RAPGEF4: variants seen among roughly 807,000 people sequenced by gnomAD.
RAPGEF4 encodes the protein Rap guanine nucleotide exchange factor 4.
A neutral mutation model predicts 147.9 loss-of-function variants in RAPGEF4; 66 were observed. The observed-to-expected ratio is 0.45, with a 90% CI of 0.37 to 0.55. The LOEUF (loss-of-function observed/expected upper bound fraction) is 0.55. RAPGEF4 is among the 20% of genes least tolerant of loss of function. RAPGEF4 has a pLI of 0.00. For missense variants in RAPGEF4, 1,071 were observed against 1,257.3 expected, an observed-to-expected ratio of 0.85 and a Z score of 2.24; for synonymous variants, 419 against 442.7, an observed-to-expected ratio of 0.95 and a Z score of 0.67.
rs537831552 is a variant in RAPGEF4, at chr2:173,023,813, G to A, written c.2254-2759G>A. Reference sequence around the variant, plus strand: ...AGGTGTACTGGGTATCTCCAATCCTGAGGAGAGAGCAAACAGCAGGAATAA... The same window carrying A: ...AGGTGTACTGGGTATCTCCAATCCTAAGGAGAGAGCAAACAGCAGGAATAA... On this transcript the variant is annotated intron_variant, in intron 23 of 30. Transcript: ENST00000397081. Among the ~76,000 whole-genome samples, 4 of 152,320 alleles carry A rather than the reference G, an allele frequency of 2.6e-5. No individual in the cohort carries two copies. In the South Asian group the frequency reaches 8.3e-4, roughly 32 times the overall value.
chr2:172,840,377 G>C (rs1354001930), intron 4 of RAPGEF4, among the ~76,000 whole-genome samples: 1 of 152,216 alleles, frequency 6.6e-6, no homozygotes, highest in African/African-American at 2.4e-5. Flanking sequence ...AGATTAGCCA[G>C]ATCAACCTGG....
chr2:172,928,648 C>G (rs2150079371), intron 6 of RAPGEF4, among the ~76,000 whole-genome samples: 1 of 152,262 alleles, frequency 6.6e-6, no homozygotes, highest in South Asian at 2.1e-4. Context: ...TTTTTAAAAT[C>G]TCTCTTATGA....
At chr2:172,870,351 G>A (rs1030451356) in intron 4 of RAPGEF4, among the ~76,000 whole-genome samples, 4 of 152,124 alleles carry the variant, frequency 2.6e-5, no homozygotes, top group Non-Finnish European at 5.9e-5. Context: ...TGGTAGGCCA[G>A]TTGCCAGTTC....
At chr2:172,736,963 T>G (rs1374051088) in intron 1 of RAPGEF4, among the ~76,000 whole-genome samples, 2 of 152,252 alleles carry the variant, frequency 1.3e-5, no homozygotes, top group African/African-American at 4.8e-5. Context: ...CATCTCTATT[T>G]GCATTTGTGT....
At chr2:172,834,674 T>C (rs2149682440) in intron 4 of RAPGEF4, among the ~76,000 whole-genome samples, 1 of 152,292 alleles carries the variant, frequency 6.6e-6, no homozygotes, top group Middle Eastern at 3.4e-3. Flanking sequence ...GGGTAAACAT[T>C]CTGCAAATAT....
intron 3 of RAPGEF4, among the ~76,000 whole-genome samples, chr2:172,811,532 G>C (rs1042196664): frequency 1.1e-4 from 16 of 152,190 alleles, no homozygotes; most frequent in Admixed American, 6.5e-4. Flanking sequence ...ATTAATAAAA[G>C]TGCTCTTTTG....
chr2:172,767,965 C>A (rs934830462), intron 1 of RAPGEF4, among the ~76,000 whole-genome samples: 2 of 152,096 alleles, frequency 1.3e-5, no homozygotes, highest in Non-Finnish European at 2.9e-5. Context: ...CGCCTGCCAC[C>A]GTGCCCAGCT....
At chr2:172,778,254 T>A (rs896825664) in intron 1 of RAPGEF4, among the ~76,000 whole-genome samples, 1 of 152,182 alleles carries the variant, frequency 6.6e-6, no homozygotes, top group African/African-American at 2.4e-5. Context: ...CTGTCTTGGG[T>A]TCTTTCCCGG....
rs757444377 is a variant in RAPGEF4, at chr2:172,983,562, A to T, written c.1071A>T (p.Leu357Phe). The change falls in exon 11 of 31, where the codon TTA (leucine) becomes TTT (phenylalanine). Residue 357 changes from leucine (L) to phenylalanine (F), a missense_variant. Leu to Phe is a conservative substitution (Grantham distance 22, BLOSUM62 0). Transcript: ENST00000397081. ...IYEELLHIKA[L>F]SHLSTTVKRE... ...AGGAGCTTCTTCATATTAAAGCCTT[A>T]TCCCATCTTTCTACCACAGTAAGTT... The T allele has an allele frequency of 4.3e-6, 7 of 1,613,282 alleles. No homozygotes were observed. The highest frequency in any genetic ancestry group is 5.9e-6 in the Non-Finnish European group (7 of 1,179,864).
chr2:172,804,815 G>A (rs1687322605), intron 3 of RAPGEF4, among the ~76,000 whole-genome samples: 1 of 152,190 alleles, frequency 6.6e-6, no homozygotes, highest in East Asian at 1.9e-4. Flanking sequence ...TTTCAGAGAA[G>A]TATTAACTAC....
At chr2:172,861,030 C>A (rs1347929162) in intron 4 of RAPGEF4, among the ~76,000 whole-genome samples, 3 of 152,052 alleles carry the variant, frequency 2.0e-5, no homozygotes, top group Admixed American at 6.5e-5. Flanking sequence ...TCTGATTTCA[C>A]AGTTTATTTT....
At chr2:172,988,911 C>T in intron 14 of RAPGEF4, 72 bp downstream of exon 14, 1 of 1,503,892 alleles carries the variant, frequency 6.6e-7, no homozygotes, top group Non-Finnish European at 9.1e-7. Context: ...AAGCTTTGAG[C>T]ATAGTCTTAA....
rs1434776773 is a variant in RAPGEF4 at position 172,981,980 on chromosome 2, T to G, written c.1005-1516T>G. Among the ~76,000 whole-genome samples, 3 of 152,330 alleles carry G rather than the reference T, an allele frequency of 2.0e-5. No homozygotes were observed. The East Asian group carries it at 5.8e-4, about 29-fold the overall frequency. On this transcript the variant is annotated intron_variant, in intron 10 of 30. Transcript: ENST00000397081. ...TATCACTTTGCTGGGTTTTTTTCAC[T>G]TACACAAATAAATATGTAGACACCT...
intron 1 of RAPGEF4, among the ~76,000 whole-genome samples, chr2:172,794,303 T>G (rs1446098390): frequency 7.2e-6 from 1 of 138,392 alleles, no homozygotes; most frequent in East Asian, 2.1e-4. Flanking sequence ...GCCAAGATCA[T>G]GCCATTGCAC....
intron 10 of RAPGEF4, among the ~76,000 whole-genome samples, chr2:172,982,741 T>A (rs529894685): frequency 6.6e-6 from 1 of 152,286 alleles, no homozygotes; most frequent in Admixed American, 6.5e-5. Context: ...ATATACTGAG[T>A]CCTTGAAGGC....
intron 1 of RAPGEF4, among the ~76,000 whole-genome samples, chr2:172,751,848 A>G (rs1295185159): frequency 6.6e-6 from 1 of 152,230 alleles, no homozygotes; most frequent in Non-Finnish European, 1.5e-5. Flanking sequence ...GAAAGTACCC[A>G]TAGACTACTA....
intron 16 of RAPGEF4, among the ~76,000 whole-genome samples, chr2:172,999,864 A>G (rs1369642669): frequency 1.3e-5 from 2 of 152,206 alleles, no homozygotes; most frequent in Non-Finnish European, 2.9e-5. Flanking sequence ...GCTACATGTG[A>G]GGAGAGAGCC....
chr2:172,940,920 C>G (rs988737773), intron 6 of RAPGEF4, among the ~76,000 whole-genome samples: 1 of 152,124 alleles, frequency 6.6e-6, no homozygotes, highest in Non-Finnish European at 1.5e-5. Context: ...GTAGTTGTCT[C>G]TATATATGCC....
rs749328932 is a variant in RAPGEF4, at chr2:173,026,688, C to A, written c.2370C>A (p.Cys790Ter). ...TTTATGATTGGGAACTCTTCAACTGCGTGCATGAGGTAAGATGCAGGATCA... is the reference window on the plus strand; with the variant it reads ...TTTATGATTGGGAACTCTTCAACTGAGTGCATGAGGTAAGATGCAGGATCA... ...MTIYDWELFN[C>*]VHELELIYHT... Residue 790 changes from cysteine to a stop codon, truncating the protein, a stop_gained, in exon 24 of 31, where the codon TGC becomes TGA. Coordinates refer to ENST00000397081, the MANE Select transcript of RAPGEF4 (RefSeq NM_007023.4). LOFTEE classifies it high-confidence loss of function. The A allele has an allele frequency of 2.5e-6, 4 of 1,613,612 alleles. No homozygotes were observed. The highest frequency in any genetic ancestry group is 3.4e-6 in the Non-Finnish European group (4 of 1,179,836).
Sources: allele counts gnomAD v4.1 joint callset (sites outside exome capture counted in the v4.1 genomes callset), GRCh38; gene constraint gnomAD v4.1.1; transcripts MANE v1.5; gene names NCBI Gene and HGNC (gene_info 2026-07-23, HGNC 2026-07-21).